The following ADAM22 variants were observed in gnomAD, a reference collection of about 807,000 sequenced individuals.
ADAM22 encodes ADAM metallopeptidase domain 22, also known as disintegrin and metalloproteinase domain-containing protein 22.
ADAM22 carries 65 observed loss-of-function variants against 144.6 expected under a neutral mutation model. The observed-to-expected ratio is 0.45, with a 90% confidence interval of 0.37 to 0.55. ADAM22 has a LOEUF of 0.55. ADAM22 is among the 20% of genes least tolerant of loss of function. ADAM22 has a pLI of 0.00. For synonymous variants in ADAM22, 391 were observed against 412.6 expected (o/e 0.95, Z 0.63); for missense variants, 974 against 1,184.9 (o/e 0.82, Z 2.61).
Position 88,197,956 on chromosome 7 carries a change from C to A in ADAM22, c.*1465C>A, listed in dbSNP as rs1304573265. On this transcript the variant is annotated 3_prime_UTR_variant, in exon 32 of 32. Transcript: ENST00000413139. ...AAATAAGATTCTATTTTAAAAGACC[C>A]TTCTTTAAAACCAAAGTTTGATAGC... 6.6e-6 allele frequency: 1 copy of A among 152,112 alleles called. No individual in the cohort carries two copies. Among genetic ancestry groups the A allele is most frequent in the African/African-American group, 2.4e-5 (1 of 41,432 alleles). The allele number at this position is 152,112 out of a possible 1,614,324, so 9.4% of individuals were successfully genotyped here.
chr7:88,160,575 T>A (rs1841309371), intron 22 of ADAM22, among the ~76,000 whole-genome samples: 1 of 152,112 alleles, frequency 6.6e-6, no homozygotes, highest in Non-Finnish European at 1.5e-5. Flanking sequence ...AACCATCTGA[T>A]CTTCGATGAA....
At chr7:88,178,024 CAGATT>C (rs1191579215) in intron 26 of ADAM22, among the ~76,000 whole-genome samples, 1 of 152,040 alleles carries the variant, frequency 6.6e-6, no homozygotes, top group African/African-American at 2.4e-5. Context: ...GACAAATGAC[CAGATT>C]AGCTATTGCA....
At chr7:87,951,168 C>G (rs1845024843) in intron 2 of ADAM22, among the ~76,000 whole-genome samples, 2 of 150,276 alleles carry the variant, frequency 1.3e-5, no homozygotes, top group Middle Eastern at 3.4e-3. Flanking sequence ...TCAATTTTGT[C>G]TTTTGTTGCC....
At chr7:88,193,489 T>C (rs1245184576) in intron 31 of ADAM22, among the ~76,000 whole-genome samples, 4 of 152,236 alleles carry the variant, frequency 2.6e-5, no homozygotes, top group Non-Finnish European at 5.9e-5. Flanking sequence ...TTGTAGCTAA[T>C]TTATTAAAAC....
chr7:87,956,008 C>T (rs796719683), intron 2 of ADAM22, among the ~76,000 whole-genome samples: 9 of 152,256 alleles, frequency 5.9e-5, no homozygotes, highest in South Asian at 2.1e-4. Flanking sequence ...GGGAGTGGCC[C>T]GATTTTCTAC....
intron 3 of ADAM22, 116 bp downstream of exon 3, chr7:87,978,528 T>C (rs1852456292): frequency 1.4e-6 from 1 of 739,620 alleles, no homozygotes; most frequent in Non-Finnish European, 2.2e-6. Context: ...GGTTAAATAC[T>C]ACATTTTAAA....
chr7:87,997,757 A>G (rs1562984936), intron 3 of ADAM22, among the ~76,000 whole-genome samples: 1 of 152,166 alleles, frequency 6.6e-6, no homozygotes, highest in Non-Finnish European at 1.5e-5. Flanking sequence ...TTATTCCACC[A>G]TATCTTTCCC....
At chr7:88,034,731 C>T (rs530491752) in intron 3 of ADAM22, among the ~76,000 whole-genome samples, 1 of 152,150 alleles carries the variant, frequency 6.6e-6, no homozygotes, top group Admixed American at 6.5e-5. Context: ...GGTCGATTCC[C>T]CTTTGGCTAG....
chr7:88,021,043 A>G lies in ADAM22; in HGVS notation c.323+42631A>G, dbSNP rs10260540. On this transcript the variant is annotated intron_variant, in intron 3 of 31. Transcript: ENST00000413139. ...GGACCATGTTCAAGAGAGCCAGGAA[A>G]TAAATACTTTGTCTTCACTAATTTT... 8.5e-3 allele frequency among the ~76,000 whole-genome samples: 1,292 copies of G among 152,290 alleles called. 19 individuals are homozygous for G. Among genetic ancestry groups the G allele is most frequent in the African/African-American group, 0.03 (1,239 of 41,562 alleles).
intron 2 of ADAM22, among the ~76,000 whole-genome samples, chr7:87,946,819 G>C (rs367874724): frequency 6.6e-6 from 1 of 152,148 alleles, no homozygotes; most frequent in African/African-American, 2.4e-5. Flanking sequence ...CTCATTCATG[G>C]TGGACTGGGT....
chr7:87,991,299 T>A (rs998449705), intron 3 of ADAM22, among the ~76,000 whole-genome samples: 1 of 151,734 alleles, frequency 6.6e-6, no homozygotes, highest in Non-Finnish European at 1.5e-5. Flanking sequence ...TTTATTATCA[T>A]CTTAACTTAT....
chr7:87,960,332 G>A (rs1034592204), intron 2 of ADAM22, among the ~76,000 whole-genome samples: 1 of 152,010 alleles, frequency 6.6e-6, no homozygotes, highest in Non-Finnish European at 1.5e-5. Context: ...AGGAAGAAGA[G>A]AGCTCCAAGT....
At chr7:88,148,826 T>G in intron 17 of ADAM22, 151 bp from the exon 18 acceptor site, 2 of 547,820 alleles carry the variant, frequency 3.7e-6, no homozygotes, top group Non-Finnish European at 6.5e-6. Flanking sequence ...AAATAAAATT[T>G]TTTTCAGTAA....
chr7:88,077,916 G>A (rs1416048040), intron 4 of ADAM22, among the ~76,000 whole-genome samples: 2 of 152,192 alleles, frequency 1.3e-5, no homozygotes, highest in Admixed American at 6.5e-5. Context: ...CACCTCTGGG[G>A]GCAGGGCACA....
chr7:88,127,155 A>G (rs1830617642), intron 8 of ADAM22, among the ~76,000 whole-genome samples: 1 of 151,972 alleles, frequency 6.6e-6, no homozygotes, highest in African/African-American at 2.4e-5. Context: ...GTTAGATAAA[A>G]TAATTACCAT....
chr7:88,163,070 C>T lies in ADAM22; in HGVS notation c.1966C>T (p.Pro656Ser), dbSNP rs1842126552. ...TCTTGGCTATGTGGAAGATGGGACACCTTGTGGTCCCCAAATGATGTGCTT... is the reference window on the plus strand; with the variant it reads ...TCTTGGCTATGTGGAAGATGGGACATCTTGTGGTCCCCAAATGATGTGCTT... ...VDLGYVEDGT[P>S]CGPQMMCLEH... The change falls in exon 23 of 32, where the codon CCT becomes TCT. Residue 656 changes from proline (P) to serine (S), a missense_variant. By Grantham distance (74) the Pro-to-Ser change is moderately conservative. Transcript: ENST00000413139. 6.2e-7 allele frequency: 1 copy of T among 1,610,200 alleles called. No homozygotes were observed. Among genetic ancestry groups the T allele is most frequent in the Admixed American group, 1.7e-5 (1 of 59,542 alleles).
chr7:87,988,267 A>G (rs1435601038), intron 3 of ADAM22, among the ~76,000 whole-genome samples: 2 of 152,192 alleles, frequency 1.3e-5, no homozygotes, highest in Non-Finnish European at 1.5e-5. Context: ...GAAGGATGTC[A>G]TACACATTAT....
rs369078128 is a variant in ADAM22 at position 88,130,431 on chromosome 7, C to T, written c.797C>T (p.Ala266Val). 58 of 1,613,062 alleles carry T rather than the reference C, an allele frequency of 3.6e-5. No homozygotes were observed. The highest frequency in any genetic ancestry group is 2.0e-4 in the African/African-American group (15 of 74,864). Residue 266 changes from alanine (A) to valine (V), a missense_variant, in exon 10 of 32, where the codon GCG (alanine) becomes GTG (valine). Coordinates refer to ENST00000413139, the MANE Select transcript of ADAM22 (RefSeq NM_001324418.2). Reference sequence around the variant, plus strand: ...TCCGTTGTACATACCAATACCTATGCGAAATCTGTGGTGAACATGGCAGAT... The same window carrying T: ...TCCGTTGTACATACCAATACCTATGTGAAATCTGTGGTGAACATGGCAGAT... ...RLSVVHTNTY[A>V]KSVVNMADLI... is the part of the protein sequence containing the mutation.
intron 4 of ADAM22, among the ~76,000 whole-genome samples, chr7:88,085,340 C>A (rs1350884263): frequency 6.6e-6 from 1 of 152,146 alleles, no homozygotes; most frequent in Non-Finnish European, 1.5e-5. Flanking sequence ...CCAAATTTAA[C>A]AATGGCTAGA....
Sources: allele counts gnomAD v4.1 joint callset (sites outside exome capture counted in the v4.1 genomes callset), GRCh38; gene constraint gnomAD v4.1.1; transcripts MANE v1.5; gene names NCBI Gene and HGNC (gene_info 2026-07-23, HGNC 2026-07-21).